The following TTC28 variants were observed in gnomAD, a reference collection of about 807,000 sequenced individuals.
The protein encoded by TTC28 is tetratricopeptide repeat domain 28.
Under a neutral mutation model 198.0 loss-of-function variants are expected in TTC28, and 61 were observed. The observed-to-expected ratio is 0.31, with a 90% CI of 0.25 to 0.38. The LOEUF is 0.38. TTC28 is among the 10% of genes least tolerant of loss of function. TTC28 has a pLI of 1.00. For synonymous variants in TTC28, 1,171 were observed against 1,297.8 expected (o/e 0.90, Z 2.10); for missense variants, 2,678 against 3,164.0 (o/e 0.85, Z 3.69).
chr22:28,359,218 C>T (rs1028574323), intron 2 of TTC28, among the ~76,000 whole-genome samples: 4 of 152,160 alleles, frequency 2.6e-5, no homozygotes, highest in African/African-American at 7.2e-5. Flanking sequence ...AAAAGAAGTA[C>T]AAAAAACTGT....
intron 2 of TTC28, among the ~76,000 whole-genome samples, chr22:28,551,851 C>T (rs573451152): frequency 6.6e-6 from 1 of 152,236 alleles, no homozygotes; most frequent in Admixed American, 6.5e-5. Context: ...CACTTCTATT[C>T]AACATAGTAC....
intron 6 of TTC28, among the ~76,000 whole-genome samples, chr22:28,139,204 G>C (rs1481741997): frequency 6.6e-6 from 1 of 152,106 alleles, no homozygotes; most frequent in East Asian, 1.9e-4. Context: ...CTAGTACCAG[G>C]CCTTCAGAAG....
chr22:28,228,044 A>G (rs1240103665), intron 5 of TTC28, among the ~76,000 whole-genome samples: 1 of 152,208 alleles, frequency 6.6e-6, no homozygotes, highest in Non-Finnish European at 1.5e-5. Flanking sequence ...CTTCAAAAAG[A>G]AGGAAATTCT....
chr22:28,105,638 T>A lies in TTC28; in HGVS notation c.2948A>T (p.Gln983Leu), dbSNP rs1267755474. ...TTTCATATCTCTAGCAATGTTCAGC[T>A]GGCGTTCAAGGCAGGAAATGGCTTG... ...YEQAISCLER[Q>L]LNIARDMKDR... The change falls in exon 8 of 23, where the codon CAG becomes CTG. Residue 983 changes from glutamine (Q) to leucine (L), a missense_variant. Physicochemically the swap from Gln to Leu is moderately radical, Grantham distance 113. Around this residue, in one of 8 missense-constraint regions of TTC28, gnomAD observed 727 missense variants for 861.9 expected, o/e 0.84. Transcript: ENST00000397906. The A allele has an allele frequency of 1.9e-6, 3 of 1,551,966 alleles. No homozygotes were observed. The African/African-American group carries it at 4.1e-5, about 21-fold the overall frequency.
chr22:28,175,019 C>T (rs1000730399), intron 5 of TTC28, among the ~76,000 whole-genome samples: 2 of 146,354 alleles, frequency 1.4e-5, no homozygotes, highest in African/African-American at 5.2e-5. Context: ...ATAAGGTAGT[C>T]TCTTAAAAAA....
chr22:27,981,596 T>G lies in TTC28; in HGVS notation c.*625A>C, dbSNP rs1937025447. On this transcript the variant is annotated 3_prime_UTR_variant, in exon 23 of 23. Transcript: ENST00000397906. ...GACATTTGCAGAGCAGAGTTCAGAA[T>G]GGAAGCGCTGTTTCAATGTGAATTA... 1 of 152,106 alleles carries G rather than the reference T, an allele frequency of 6.6e-6. No individual in the cohort carries two copies. The highest frequency in any genetic ancestry group is 6.6e-5 in the Admixed American group (1 of 15,262). The allele number at this position is 152,106 out of a possible 1,614,324, so 9.4% of individuals were successfully genotyped here. A position where few individuals can be genotyped will look rare whatever the true frequency, so the allele number is the denominator to read the frequency against.
intron 5 of TTC28, among the ~76,000 whole-genome samples, chr22:28,209,776 T>G (rs1281576686): frequency 1.3e-5 from 2 of 152,122 alleles, no homozygotes; most frequent in Admixed American, 6.5e-5. Flanking sequence ...GTCTGACACT[T>G]TGAAGAGAGT....
rs886652161 is a variant in TTC28 at position 28,227,704 on chromosome 22, G to GA, written c.934-64106dup. Among the ~76,000 whole-genome samples the GA allele has an allele frequency of 8.6e-3, 1,195 of 138,880 alleles. 18 individuals carry two copies. The highest frequency in any genetic ancestry group is 0.025 in the African/African-American group (960 of 38,104). The allele number at this position is 138,880 out of a possible 152,430, so 91.1% of individuals were successfully genotyped here. On this transcript the variant is annotated intron_variant, in intron 5 of 22. Transcript: ENST00000397906. ...CTCATTAGGATGTTATTACAGATTT[G>GA]AAAAAAAAAAAACAAGTGTTAGCAA...
At chr22:28,253,534 A>T (rs1930674126) in intron 5 of TTC28, among the ~76,000 whole-genome samples, 1 of 152,178 alleles carries the variant, frequency 6.6e-6, no homozygotes, top group African/African-American at 2.4e-5. Flanking sequence ...CTTAGTCACA[A>T]CTGTAACCTC....
Position 28,300,284 on chromosome 22 carries a change from C to G in TTC28, c.530-2432G>C, listed in dbSNP as rs185817219. Among the ~76,000 whole-genome samples, 5 of 152,272 alleles carry G rather than the reference C, an allele frequency of 3.3e-5. No homozygotes were observed. In the East Asian group the frequency reaches 9.7e-4, roughly 29 times the overall value. On this transcript the variant is annotated intron_variant, in intron 3 of 22. Coordinates refer to ENST00000397906, the MANE Select transcript of TTC28 (RefSeq NM_001145418.2). The stretch of plus-strand genomic sequence containing the variant: ...GAGGAAGAATGCCCTAAACTGACAG[C>G]CCAAACTGACTGATAGCTAGCAAAG...
intron 12 of TTC28, among the ~76,000 whole-genome samples, chr22:28,040,841 C>A (rs559028570): frequency 3.9e-5 from 6 of 152,274 alleles, no homozygotes; most frequent in East Asian, 1.9e-4. Context: ...AAAACCCCAT[C>A]GTCTCAGCCC....
chr22:28,644,119 G>T (rs1254125166), intron 1 of TTC28, among the ~76,000 whole-genome samples: 1 of 152,140 alleles, frequency 6.6e-6, no homozygotes, highest in African/African-American at 2.4e-5. Context: ...ACAGAACTTG[G>T]CTGGGCGCGG....
Position 28,337,303 on chromosome 22 carries a change from G to A in TTC28, c.382-30660C>T, listed in dbSNP as rs963041032. 9.1e-4 allele frequency among the ~76,000 whole-genome samples: 139 copies of A among 152,266 alleles called. 2 individuals carry two copies. The highest frequency in any genetic ancestry group is 3.0e-3 in the African/African-American group (126 of 41,538). ...AATAGGTGTGGTGTGGTGCTGAAAA[G>A]AATGTATATTCTGTTGATTTGGGGT... On this transcript the variant is annotated intron_variant, in intron 2 of 22. Coordinates refer to ENST00000397906, the MANE Select transcript of TTC28 (RefSeq NM_001145418.2).
chr22:28,020,089 T>C (rs1938530291), intron 13 of TTC28, among the ~76,000 whole-genome samples: 1 of 152,202 alleles, frequency 6.6e-6, no homozygotes, highest in Non-Finnish European at 1.5e-5. Flanking sequence ...CTTGGCAGGA[T>C]AGGGGCTTTT....
At chr22:28,655,246 G>C (rs2051626041) in intron 1 of TTC28, among the ~76,000 whole-genome samples, 1 of 152,090 alleles carries the variant, frequency 6.6e-6, no homozygotes, top group Admixed American at 6.6e-5. Flanking sequence ...AGACTATCTT[G>C]ATGATTTCAT....
chr22:28,473,929 C>T (rs1197666347), intron 2 of TTC28, among the ~76,000 whole-genome samples: 1 of 152,182 alleles, frequency 6.6e-6, no homozygotes, highest in Non-Finnish European at 1.5e-5. Flanking sequence ...GACACCATGT[C>T]CTGGTCTCCT....
intron 12 of TTC28, among the ~76,000 whole-genome samples, chr22:28,066,401 T>A (rs956260228): frequency 1.3e-5 from 2 of 152,164 alleles, no homozygotes; most frequent in Admixed American, 1.3e-4. Flanking sequence ...GTGTTAACTA[T>A]AGTCACCATG....
rs1413850119 is a variant in TTC28, at chr22:27,998,773, G to A, written c.4886C>T (p.Ser1629Phe). ...CCCGTCGGCTGTGACTTTGCTGTTG[G>A]ACTCCTGGGAGGAGCCAAGCACCAC... ...KLVVLGSSQE[S>F]NSKVTADGVI... The change falls in exon 16 of 23, where the codon TCC (serine) becomes TTC (phenylalanine). Residue 1629 changes from serine to phenylalanine, a missense_variant. Ser to Phe is a radical substitution (Grantham distance 155). This residue lies in a region of TTC28 where 727 missense variants were observed against 861.9 expected (regional missense o/e 0.84). Coordinates refer to ENST00000397906, the MANE Select transcript of TTC28 (RefSeq NM_001145418.2). 1.9e-6 allele frequency: 3 copies of A among 1,550,712 alleles called. No homozygotes were observed. In the East Asian group the frequency reaches 7.3e-5, roughly 38 times the overall value.
rs35609143 is a variant in TTC28 at position 28,486,493 on chromosome 22, T to TGG, written c.381+143057_381+143058dup. On this transcript the variant is annotated intron_variant, in intron 2 of 22. Transcript: ENST00000397906. ...TTAACCATTTGCAGACTGCCAAAAG[T>TGG]GGGGGGGTGATATCCTTAAAATCTT... Among the ~76,000 whole-genome samples, 88 of 152,128 alleles carry TGG rather than the reference T, an allele frequency of 5.8e-4. 1 individual carries two copies. Among genetic ancestry groups the TGG allele is most frequent in the Non-Finnish European group, 4.7e-4 (32 of 67,968 alleles).
Sources: gnomAD v4.1 joint callset for allele counts (sites outside exome capture counted in the v4.1 genomes callset) on GRCh38, gnomAD v4.1.1 for gene constraint, gnomAD v4.1.1 regional missense constraint, MANE v1.5 for transcripts, NCBI Gene and HGNC (gene_info 2026-07-23, HGNC 2026-07-21) for gene names.